ARPP21: variants seen among roughly 807,000 people sequenced by gnomAD.
The protein encoded by ARPP21 is cAMP-regulated phosphoprotein 21.
Under a neutral mutation model 113.2 loss-of-function variants are expected in ARPP21, and 69 were observed. The ratio of observed to expected loss-of-function variants is 0.61; its 90% CI spans 0.50 to 0.74. The LOEUF (loss-of-function observed/expected upper bound fraction) is 0.74. Ranked by LOEUF, ARPP21 falls within the 30% of genes least tolerant of loss-of-function variation. ARPP21 has a pLI of 0.00. For synonymous variants in ARPP21, 368 were observed against 375.5 expected (o/e 0.98, Z 0.23); for missense variants, 1,070 against 1,037.4 (o/e 1.03, Z -0.43).
intron 19 of ARPP21, among the ~76,000 whole-genome samples, chr3:35,773,980 G>T (rs2096279812): frequency 6.6e-6 from 1 of 152,164 alleles, no homozygotes. Context: ...GTAAGGCAGT[G>T]ACTGTGTCCC....
In ARPP21 at chr3:35,697,842, A is replaced by G. The variant is rs1410805791; in HGVS notation, c.686+6837A>G. Among the ~76,000 whole-genome samples, 5 of 151,746 alleles carry G rather than the reference A, an allele frequency of 3.3e-5. No individual in the cohort carries two copies. In the East Asian group the frequency reaches 9.7e-4, roughly 30 times the overall value. On this transcript the variant is annotated intron_variant, in intron 9 of 20. Transcript: ENST00000684406. ...ATGCTTTTCCTTCCGTGTTTATTAT[A>G]TTTATCTTCCTTTGGCTAGGAATGT...
intron 1 of ARPP21, among the ~76,000 whole-genome samples, chr3:35,672,184 A>G (rs1025768230): frequency 2.4e-4 from 37 of 152,020 alleles, no homozygotes; most frequent in African/African-American, 8.5e-4. Flanking sequence ...TGACTTCTGT[A>G]ATTAGTTTCA....
intron 9 of ARPP21, among the ~76,000 whole-genome samples, chr3:35,706,722 A>C (rs2089244518): frequency 6.6e-6 from 1 of 152,214 alleles, no homozygotes; most frequent in Admixed American, 6.5e-5. Context: ...GCAGGCCTTT[A>C]AATTTGTTTT....
At chr3:35,688,035 A>G in intron 6 of ARPP21, 152 bp downstream of exon 6, 1 of 673,594 alleles carries the variant, frequency 1.5e-6, no homozygotes, top group South Asian at 2.8e-5. Flanking sequence ...AAAAATGTGA[A>G]CTTGATTTTC....
intron 15 of ARPP21, among the ~76,000 whole-genome samples, chr3:35,731,266 T>C (rs910372464): frequency 3.9e-5 from 6 of 152,202 alleles, no homozygotes; most frequent in African/African-American, 1.2e-4. Context: ...TTATCATCTA[T>C]AATCTTGTTT....
intron 1 of ARPP21, among the ~76,000 whole-genome samples, chr3:35,651,390 C>T (rs761434799): frequency 6.6e-6 from 1 of 152,010 alleles, no homozygotes; most frequent in Non-Finnish European, 1.5e-5. Context: ...AAGATCTCTT[C>T]CAGTTTATAA....
At chr3:35,687,085 T>C (rs2080843312) in intron 5 of ARPP21, among the ~76,000 whole-genome samples, 1 of 151,182 alleles carries the variant, frequency 6.6e-6, no homozygotes, top group South Asian at 2.1e-4. Flanking sequence ...TTCCTACCTT[T>C]TCTAAAAGGC....
chr3:35,699,158 G>A (rs1301969812), intron 9 of ARPP21, among the ~76,000 whole-genome samples: 3 of 151,580 alleles, frequency 2.0e-5, no homozygotes, highest in South Asian at 2.1e-4. Context: ...TACATACTAC[G>A]TATCATACAG....
intron 1 of ARPP21, among the ~76,000 whole-genome samples, chr3:35,672,853 A>G (rs1200397125): frequency 2.0e-5 from 3 of 152,100 alleles, no homozygotes; most frequent in South Asian, 4.1e-4. Flanking sequence ...TCCCTGCTGT[A>G]GGCTAGCAAT....
chr3:35,684,645 A>G (rs2080013339), intron 5 of ARPP21: 1 of 985,278 alleles, frequency 1.0e-6, no homozygotes, highest in African/African-American at 1.7e-5. Context: ...AAAATTGATT[A>G]AGATATCATT....
At chr3:35,682,797 C>T (rs767742083) in intron 3 of ARPP21, 51 bp from the exon 4 acceptor site, 52 of 1,523,364 alleles carry the variant, frequency 3.4e-5, no homozygotes, top group Non-Finnish European at 2.8e-5. Context: ...ATTTACTGTT[C>T]GTTTTTGTTT....
Position 35,682,929 on chromosome 3 carries a change from G to C in ARPP21, c.171+40G>C, listed in dbSNP as rs200466246. On this transcript the variant is annotated intron_variant, in intron 4 of 20. Coordinates refer to ENST00000684406, the MANE Select transcript of ARPP21 (RefSeq NM_001385562.1). The stretch of plus-strand genomic sequence containing the variant: ...ATTCTAGGTAGACCTGATATCATGG[G>C]TATAAATTACATATTTTACATCAGA... The C allele has an allele frequency of 4.9e-5, 74 of 1,522,232 alleles. No homozygotes were observed. The Admixed American group carries it at 1.4e-3, about 30-fold the overall frequency. The allele number at this position is 1,522,232 out of a possible 1,614,324, so 94.3% of individuals were successfully genotyped here.
At chr3:35,774,077 T>C (rs1180281373) in intron 19 of ARPP21, among the ~76,000 whole-genome samples, 1 of 152,166 alleles carries the variant, frequency 6.6e-6, no homozygotes, top group Non-Finnish European at 1.5e-5. Flanking sequence ...TATGGTAAGA[T>C]AGAGATCATT....
At chr3:35,762,103 C>T (rs1452898294) in intron 19 of ARPP21, among the ~76,000 whole-genome samples, 1 of 142,662 alleles carries the variant, frequency 7.0e-6, no homozygotes, top group South Asian at 2.2e-4. Flanking sequence ...TCTCCTCTCT[C>T]TCTCTCTCTC....
chr3:35,730,418 C>T (rs2093877581), intron 15 of ARPP21, among the ~76,000 whole-genome samples: 1 of 152,164 alleles, frequency 6.6e-6, no homozygotes, highest in Non-Finnish European at 1.5e-5. Context: ...TATTGACACC[C>T]AGTAGGTAGA....
intron 1 of ARPP21, among the ~76,000 whole-genome samples, chr3:35,642,678 C>T (rs182968963): frequency 1.3e-5 from 2 of 152,034 alleles, no homozygotes; most frequent in African/African-American, 4.8e-5. Flanking sequence ...ATTTCAAATT[C>T]CTAAAATATT....
At chr3:35,654,627 C>T (rs138515396) in intron 1 of ARPP21, among the ~76,000 whole-genome samples, 4 of 152,208 alleles carry the variant, frequency 2.6e-5, no homozygotes, top group East Asian at 3.9e-4. Context: ...GGAATGCACA[C>T]GCTCATTCCT....
chr3:35,647,064 T>G lies in ARPP21; in HGVS notation c.-213+6666T>G, dbSNP rs138579030. Among the ~76,000 whole-genome samples the G allele has an allele frequency of 5.5e-3, 832 of 152,324 alleles. 8 individuals are homozygous for G. Among genetic ancestry groups the G allele is most frequent in the Non-Finnish European group, 8.8e-3 (596 of 68,010 alleles). ...AGCATATAATCATGTTGCATACACA[T>G]GCTGCAGCTATCTGCTTACCCTTAG... On this transcript the variant is annotated intron_variant, in intron 1 of 20. Transcript: ENST00000684406.
At chr3:35,776,130 G>A (rs2096358034) in intron 19 of ARPP21, among the ~76,000 whole-genome samples, 1 of 151,942 alleles carries the variant, frequency 6.6e-6, no homozygotes, top group African/African-American at 2.4e-5. Flanking sequence ...TTATTAAATG[G>A]GGAAAAGTAA....
Sources: allele counts gnomAD v4.1 joint callset (sites outside exome capture counted in the v4.1 genomes callset), GRCh38; gene constraint gnomAD v4.1.1; transcripts MANE v1.5; gene names NCBI Gene and HGNC (gene_info 2026-07-23, HGNC 2026-07-21).